Variants in C5orf34 observed in about 807,000 individuals in gnomAD.
C5orf34 encodes uncharacterized protein C5orf34.
A neutral mutation model predicts 78.4 loss-of-function variants in C5orf34; 73 were observed. The observed-to-expected ratio is 0.93, with a 90% CI of 0.77 to 1.13. The LOEUF is 1.13. C5orf34 is among the 50% of genes most tolerant of loss of function. The probability of loss-of-function intolerance (pLI) is 0.00; values close to 1 mark genes in which losing one functional copy is unlikely to be tolerated. For synonymous variants in C5orf34, 251 were observed against 246.6 expected (o/e 1.02, Z -0.17); for missense variants, 730 against 732.7 (o/e 1.00, Z 0.04).
intron 6 of C5orf34, 52 bp from the exon 7 acceptor site, chr5:43,494,653 A>G (rs1372645753): frequency 9.7e-7 from 1 of 1,032,806 alleles, no homozygotes; most frequent in African/African-American, 1.6e-5. Flanking sequence ...TTTGGCCTTT[A>G]TTACTTAGCT....
chr5:43,493,419 A>G (rs1745364891), intron 8 of C5orf34, 124 bp downstream of exon 8: 1 of 635,020 alleles, frequency 1.6e-6, no homozygotes, highest in Admixed American at 3.3e-5. Context: ...TTCTGAATAA[A>G]CCAACATTAA....
chr5:43,501,305 G>A (rs530099786), intron 6 of C5orf34, among the ~76,000 whole-genome samples: 79 of 152,224 alleles, frequency 5.2e-4, no homozygotes, highest in African/African-American at 1.8e-3. Context: ...ACATGTTACT[G>A]GGCATGCTTG....
At chr5:43,513,780 G>T (rs1746371898) in intron 1 of C5orf34, among the ~76,000 whole-genome samples, 1 of 152,090 alleles carries the variant, frequency 6.6e-6, no homozygotes, top group African/African-American at 2.4e-5. Flanking sequence ...CTCCTACAAG[G>T]GCCCAACGAC....
chr5:43,507,456 G>A (rs996264192), intron 3 of C5orf34, among the ~76,000 whole-genome samples: 3 of 152,212 alleles, frequency 2.0e-5, no homozygotes, highest in African/African-American at 7.2e-5. Flanking sequence ...TCCTCTTTTA[G>A]AATTAGACTA....
In C5orf34 at chr5:43,492,267, G is replaced by A. The variant is rs199593005; in HGVS notation, c.1528C>T (p.Pro510Ser). ...TGAATTAACTGCTCTTGTCCATCAG[G>A]AAAAGTTAACTTACACCAACCTAAG... ...LNLGWCKLTFPDGQEQLIQIE... is the reference protein window; with the variant it reads ...LNLGWCKLTFSDGQEQLIQIE... Residue 510 changes from proline (P) to serine (S), a missense_variant, in exon 10 of 13, where the codon CCT (proline) becomes TCT (serine). Pro to Ser is a moderately conservative substitution (Grantham distance 74, BLOSUM62 -1). Coordinates refer to ENST00000306862, the MANE Select transcript of C5orf34 (RefSeq NM_198566.4). The A allele has an allele frequency of 4.0e-5, 65 of 1,611,998 alleles. No individual in the cohort carries two copies. The highest frequency in any genetic ancestry group is 3.3e-4 in the Middle Eastern group (2 of 6,046).
chr5:43,486,893 T>C lies in C5orf34; in HGVS notation c.*22A>G, dbSNP rs764861448. The C allele has an allele frequency of 2.3e-5, 32 of 1,391,448 alleles. No individual in the cohort carries two copies. The Admixed American group carries it at 6.2e-4, about 27-fold the overall frequency. 86.2% of individuals were successfully genotyped at this position (1,391,448 alleles called of 1,614,324 possible). ...AAACAACATCCTTAAACTTTAATAA[T>C]ATGTTGTAATAATTCCATTTTTCAC... On this transcript the variant is annotated 3_prime_UTR_variant, in exon 13 of 13. Transcript: ENST00000306862.
chr5:43,510,563 G>T (rs1055563252), intron 1 of C5orf34, among the ~76,000 whole-genome samples: 1 of 152,216 alleles, frequency 6.6e-6, no homozygotes, highest in Non-Finnish European at 1.5e-5. Context: ...GCCTCAGCCT[G>T]CCCAGTGCCT....
chr5:43,511,665 T>TC (rs1308227963), intron 1 of C5orf34, among the ~76,000 whole-genome samples: 6 of 152,344 alleles, frequency 3.9e-5, no homozygotes, highest in African/African-American at 1.4e-4. Context: ...CATAGGAGAC[T>TC]CCATTTTGTT....
intron 3 of C5orf34, among the ~76,000 whole-genome samples, chr5:43,508,294 A>G (rs184122223): frequency 7.2e-5 from 11 of 152,180 alleles, no homozygotes; most frequent in East Asian, 1.9e-4. Context: ...CCATAGTTAC[A>G]TATTTCTACT....
chr5:43,501,616 A>G (rs138410414), intron 6 of C5orf34, among the ~76,000 whole-genome samples: 164 of 152,294 alleles, frequency 1.1e-3, no homozygotes, highest in African/African-American at 3.8e-3. Context: ...TGATGGGTAC[A>G]TAGGGGTCCC....
At chr5:43,509,075 A>C in intron 2 of C5orf34, 70 bp downstream of exon 2, 1 of 1,274,106 alleles carries the variant, frequency 7.8e-7, no homozygotes, top group Non-Finnish European at 1.1e-6. Flanking sequence ...ACTGTACTCC[A>C]GCCTGGGTGA....
rs58813772 is a variant in C5orf34 at position 43,512,760 on chromosome 5, CTTTTTTTTTTTTTTTTTTTTTTTTTTT to C, written c.-37+2019_-37+2045del. On this transcript the variant is annotated intron_variant, in intron 1 of 12. Transcript: ENST00000306862. The stretch of plus-strand genomic sequence containing the variant: ...ATGTCACTTTTATGCCCCACCTTGT[CTTTTTTTTTTTTTTTTTTTTTTTTTTT>C]TTTTTTTTTTTTTTGAGACAGAGTC... Among the ~76,000 whole-genome samples, 639 of 72,906 alleles carry C rather than the reference CTTTTTTTTTTTTTTTTTTTTTTTTTTT, an allele frequency of 8.8e-3. 11 individuals carry two copies. Among genetic ancestry groups the C allele is most frequent in the African/African-American group, 0.021 (382 of 18,198 alleles). 47.8% of individuals were successfully genotyped at this position (72,906 alleles called of 152,430 possible). A position where few individuals can be genotyped will look rare whatever the true frequency, so the allele number is the denominator to read the frequency against.
chr5:43,512,760 C>CTTTTT (rs58813772), intron 1 of C5orf34, among the ~76,000 whole-genome samples: 5 of 72,898 alleles, frequency 6.9e-5, no homozygotes, highest in African/African-American at 2.2e-4. Flanking sequence ...CCCACCTTGT[C>CTTTTT]TTTTTTTTTT....
At position 43,505,730 on chromosome 5, in the gene C5orf34, TAGCC is replaced by T. The variant is rs1745954182; in HGVS notation, c.932+14_932+17del. The T allele has an allele frequency of 7.2e-6, 11 of 1,521,464 alleles. No individual in the cohort carries two copies. The East Asian group carries it at 2.5e-4, about 35-fold the overall frequency. The allele number at this position is 1,521,464 out of a possible 1,614,324, so 94.2% of individuals were successfully genotyped here. On this transcript the variant is annotated intron_variant, in intron 4 of 12. Transcript: ENST00000306862. ...TTCTGATAAAAAGCTTCATGACCAA[TAGCC>T]ATTACTGCATTACCTGTGTAGGTGT...
chr5:43,495,010 C>G, intron 6 of C5orf34: 2 of 1,291,536 alleles, frequency 1.5e-6, no homozygotes, highest in Non-Finnish European at 2.2e-6. Flanking sequence ...TTGAAACAAA[C>G]AGTTCTGAGA....
chr5:43,501,918 G>A (rs1301525582), intron 6 of C5orf34, among the ~76,000 whole-genome samples: 1 of 152,094 alleles, frequency 6.6e-6, no homozygotes, highest in African/African-American at 2.4e-5. Flanking sequence ...ACCATGTTAT[G>A]TTTCACTGTT....
intron 6 of C5orf34, chr5:43,495,204 G>A (rs1194460178): frequency 1.9e-6 from 3 of 1,611,344 alleles, no homozygotes; most frequent in Non-Finnish European, 2.5e-6. Context: ...TGACCCAAAG[G>A]TGGATAGTCT....
At position 43,490,513 on chromosome 5, in the gene C5orf34, CAT is replaced by C. The variant is rs142045961; in HGVS notation, c.1679+116_1679+117del. 506 of 635,048 alleles carry C rather than the reference CAT, an allele frequency of 8.0e-4. 1 individual carries two copies. In the African/African-American group the frequency reaches 9.0e-3, roughly 11 times the overall value. The allele number at this position is 635,048 out of a possible 1,614,324, so 39.3% of individuals were successfully genotyped here. On this transcript the variant is annotated intron_variant, in intron 11 of 12. Coordinates refer to ENST00000306862, the MANE Select transcript of C5orf34 (RefSeq NM_198566.4). ...TATCAAAAATACTTTAGGAGTTAAA[CAT>C]ATTCAAAACTAAGAAAGTTTTTTTG...
chr5:43,490,703 C>G lies in C5orf34; in HGVS notation c.1607G>C (p.Cys536Ser). The change falls in exon 11 of 13, where the codon TGC (cysteine) becomes TCC (serine). Residue 536 changes from cysteine to serine, a missense_variant. Transcript: ENST00000306862. ...ERYVTTVTSW[C>S]RRLTQTSPRE... ...GGGACTAGTCTGGGTCAGTCTCCTG[C>G]ACCATGATGTTACTGTTGTCACATA... The G allele has an allele frequency of 6.2e-7, 1 of 1,605,874 alleles. No individual in the cohort carries two copies. The highest frequency in any genetic ancestry group is 8.5e-7 in the Non-Finnish European group (1 of 1,173,296).
Sources: gnomAD v4.1 joint callset for allele counts (sites outside exome capture counted in the v4.1 genomes callset) on GRCh38, gnomAD v4.1.1 for gene constraint, MANE v1.5 for transcripts, NCBI Gene and HGNC (gene_info 2026-07-23, HGNC 2026-07-21) for gene names.